The following CSPG4 variants were observed in gnomAD, a reference collection of about 807,000 sequenced individuals.
CSPG4 encodes chondroitin sulfate proteoglycan 4 (melanoma-associated).
Under a neutral mutation model 139.3 loss-of-function variants are expected in CSPG4, and 74 were observed. That is an observed-to-expected ratio of 0.53 (90% CI 0.44 to 0.64). The LOEUF is 0.64. Ranked by LOEUF, CSPG4 falls within the 30% of genes least tolerant of loss-of-function variation. CSPG4 has a pLI of 0.00. For missense variants in CSPG4, 2,565 were observed against 3,148.3 expected, an observed-to-expected ratio of 0.81 and a Z score of 4.43; for synonymous variants, 1,234 against 1,394.2, an observed-to-expected ratio of 0.89 and a Z score of 2.56.
At position 75,689,309 on chromosome 15, in the gene CSPG4, C is replaced by G; in HGVS notation, c.1756G>C (p.Ala586Pro). Residue 586 changes from alanine to proline, a missense_variant, in exon 3 of 10, where the codon GCC (alanine) becomes CCC (proline). Transcript: ENST00000308508. ...ACCTGGAAGGTGAGGCCCTCACAGG[C>G]AGAGTCCGGGTCATAGGCCTGGAAA... ...EVFQAYDPDS[A>P]CEGLTFQVLG... 1 of 1,611,024 alleles carries G rather than the reference C, an allele frequency of 6.2e-7. No individual in the cohort carries two copies. Among genetic ancestry groups the G allele is most frequent in the South Asian group, 1.1e-5 (1 of 90,998 alleles).
rs1894104161 is a variant in CSPG4 at position 75,688,697 on chromosome 15, C to T, written c.2368G>A (p.Glu790Lys). ...QRATVWMLRL[E>K]PLHTQNTQQE... ...TGGGTGTTCTGAGTGTGCAGTGGCT[C>T]CAGCCGCAGCATCCACACAGTGGCT... The change falls in exon 3 of 10, where the codon GAG (glutamate) becomes AAG (lysine). Residue 790 changes from glutamate (E) to lysine (K), a missense_variant. This residue lies in a region of CSPG4 where 2,316 missense variants were observed against 2,818.2 expected (regional missense o/e 0.82). Transcript: ENST00000308508. The T allele has an allele frequency of 6.2e-7, 1 of 1,610,526 alleles. No individual in the cohort carries two copies. The highest frequency in any genetic ancestry group is 1.7e-5 in the Admixed American group (1 of 59,928).
At position 75,685,384 on chromosome 15, in the gene CSPG4, C is replaced by T. The variant is rs369855121; in HGVS notation, c.4107G>A (p.Glu1369=). The T allele has an allele frequency of 6.2e-7, 1 of 1,610,476 alleles. No homozygotes were observed. Among genetic ancestry groups the T allele is most frequent in the Non-Finnish European group, 8.5e-7 (1 of 1,179,114 alleles). The change falls in exon 4 of 10, where the codon GAG becomes GAA. Residue 1369 remains glutamate, a synonymous_variant. Coordinates refer to ENST00000308508, the MANE Select transcript of CSPG4 (RefSeq NM_001897.5). The stretch of plus-strand genomic sequence containing the variant: ...GAGGGGCCAGGGTGAGGCTGCCACC[C>T]TCAGGGACGCTGAAGTTTTGCGCCT... ...PLEAQNFSVP[E]GGSLTLAPPL...
chr15:75,683,867 A>T (rs1199362920), intron 5 of CSPG4, among the ~76,000 whole-genome samples: 4 of 152,190 alleles, frequency 2.6e-5, no homozygotes, highest in Non-Finnish European at 4.4e-5. Context: ...GGACCCCAGC[A>T]CTAGGCTTCT....
At chr15:75,678,181 G>A (rs982534564) in intron 8 of CSPG4, among the ~76,000 whole-genome samples, 5 of 152,172 alleles carry the variant, frequency 3.3e-5, no homozygotes, top group Admixed American at 6.5e-5. Flanking sequence ...TCTCTAAAGC[G>A]AGTACTTCCT....
rs541502789 is a variant in CSPG4 at position 75,712,661 on chromosome 15, C to T, written c.88+7G>A. 3.2e-5 allele frequency: 49 copies of T among 1,555,552 alleles called. No individual in the cohort carries two copies. The African/African-American group carries it at 5.6e-4, about 18-fold the overall frequency. On this transcript the variant is annotated splice_region_variant and intron_variant, in intron 1 of 9. Coordinates refer to ENST00000308508, the MANE Select transcript of CSPG4 (RefSeq NM_001897.5). Reference sequence around the variant, plus strand: ...GGCTGGGTCGGGGTCTCAGGCCCCTCACTCACCCGCGGATGCAAGTCTGGC... The same window carrying T: ...GGCTGGGTCGGGGTCTCAGGCCCCTTACTCACCCGCGGATGCAAGTCTGGC...
intron 1 of CSPG4, among the ~76,000 whole-genome samples, chr15:75,705,322 C>G (rs1894356097): frequency 6.6e-6 from 1 of 152,232 alleles, no homozygotes; most frequent in South Asian, 2.1e-4. Flanking sequence ...CTTAGTCCCA[C>G]ACAGACTCAC....
Position 75,690,520 on chromosome 15 carries a change from C to G in CSPG4, c.545G>C (p.Arg182Pro). Residue 182 changes from arginine to proline, a missense_variant, in exon 3 of 10, where the codon CGG (arginine) becomes CCG (proline). By Grantham distance (103) the Arg-to-Pro change is moderately radical. Coordinates refer to ENST00000308508, the MANE Select transcript of CSPG4 (RefSeq NM_001897.5). Reference sequence around the variant, plus strand: ...CTCATGCACATCGGGGGTCAGAGGCCGGAGGAGGCTGCGGCCATTGAGGGT... The same window carrying G: ...CTCATGCACATCGGGGGTCAGAGGCGGGAGGAGGCTGCGGCCATTGAGGGT... The part of the protein sequence containing the change: ...AATLNGRSLL[R>P]PLTPDVHEGC... 1 of 1,609,644 alleles carries G rather than the reference C, an allele frequency of 6.2e-7. No individual in the cohort carries two copies. Among genetic ancestry groups the G allele is most frequent in the Non-Finnish European group, 8.5e-7 (1 of 1,179,088 alleles).
In CSPG4 at chr15:75,689,904, A is replaced by G. The variant is rs1425939079; in HGVS notation, c.1161T>C (p.Tyr387=). 6.2e-7 allele frequency: 1 copy of G among 1,612,004 alleles called. No individual in the cohort carries two copies. The highest frequency in any genetic ancestry group is 1.7e-5 in the Admixed American group (1 of 59,940). The stretch of plus-strand genomic sequence containing the variant: ...CATAATGTCCATAGGCATCGTCCTC[A>G]TACTCCTCCTCCTCCAGCCTGCAGC... ...AAGCRLEEEE[Y]EDDAYGHYEA... Residue 387 remains tyrosine, a synonymous_variant, in exon 3 of 10, where the codon TAT becomes TAC. Coordinates refer to ENST00000308508, the MANE Select transcript of CSPG4 (RefSeq NM_001897.5).
In CSPG4 at chr15:75,687,965, G is replaced by A. The variant is rs770213957; in HGVS notation, c.3100C>T (p.Arg1034Trp). 9 of 1,612,688 alleles carry A rather than the reference G, an allele frequency of 5.6e-6. No homozygotes were observed. Among genetic ancestry groups the A allele is most frequent in the East Asian group, 4.5e-5 (2 of 44,884 alleles). Residue 1034 changes from arginine (R) to tryptophan (W), a missense_variant, in exon 3 of 10, where the codon CGG becomes TGG. Transcript: ENST00000308508. The surrounding 1 kb of genome is among the most constrained non-coding windows in gnomAD (Gnocchi z 5.4). The stretch of plus-strand genomic sequence containing the variant: ...ACGTCGTCTGTAGTCAGCAGCCGCC[G>A]CCCACCCCGGGCCACATGGAAGATC... ...SRIFHVARGGRRLLTTDDVAF... is the reference protein window; with the variant it reads ...SRIFHVARGGWRLLTTDDVAF...
At chr15:75,685,855 G>T (rs940638915) in intron 3 of CSPG4, among the ~76,000 whole-genome samples, 154 bp from the exon 4 acceptor site, 3 of 152,178 alleles carry the variant, frequency 2.0e-5, no homozygotes, top group African/African-American at 7.2e-5. Context: ...ACACACGTGG[G>T]TTCACACACA....
In CSPG4 at chr15:75,676,646, C is replaced by A. The variant is rs749581446; in HGVS notation, c.5873G>T (p.Arg1958Leu). The A allele has an allele frequency of 2.5e-6, 4 of 1,598,766 alleles. No homozygotes were observed. In the East Asian group the frequency reaches 6.7e-5, roughly 27 times the overall value. ...GAGCTGCTGCTGGCTCAGTGAGGAG[C>A]GCCCCAAAGCTTGGGGCACCTCCAG... Reference protein sequence around the residue: ...APLEVPQALGRSSLSQQQLRV... With the variant: ...APLEVPQALGLSSLSQQQLRV... Residue 1958 changes from arginine to leucine, a missense_variant, in exon 10 of 10, where the codon CGC becomes CTC. Coordinates refer to ENST00000308508, the MANE Select transcript of CSPG4 (RefSeq NM_001897.5).
chr15:75,705,855 A>ATGTGTC (rs1382827319), intron 1 of CSPG4, among the ~76,000 whole-genome samples: 1 of 151,720 alleles, frequency 6.6e-6, no homozygotes, highest in African/African-American at 2.4e-5. Flanking sequence ...CTGTGTCTGT[A>ATGTGTC]TGTGTCTGTG....
intron 1 of CSPG4, among the ~76,000 whole-genome samples, chr15:75,705,908 CGT>C (rs760448236): frequency 3.1e-4 from 47 of 151,250 alleles, no homozygotes; most frequent in African/African-American, 1.0e-3. Context: ...TGTCTGTGTG[CGT>C]GTGTGTGTGC....
At chr15:75,681,987 T>C (rs534608608) in intron 8 of CSPG4, among the ~76,000 whole-genome samples, 2 of 152,060 alleles carry the variant, frequency 1.3e-5, no homozygotes, top group East Asian at 3.9e-4. Context: ...TGGTGCCCCC[T>C]CTCCAGACCC....
Position 75,685,435 on chromosome 15 carries a change from C to T in CSPG4, c.4056G>A (p.Glu1352=), listed in dbSNP as rs1434495435. The T allele has an allele frequency of 6.2e-7, 1 of 1,612,282 alleles. No individual in the cohort carries two copies. The highest frequency in any genetic ancestry group is 8.5e-7 in the Non-Finnish European group (1 of 1,179,956). ...APLEGVLVEL[E]VLPAAIPLEA... is the part of the protein sequence containing the mutation. ...CTAGTGGGATGGCAGCGGGCAGCAC[C>T]TCCAGCTCCACAAGGACGCCCTCGA... Residue 1352 remains glutamate (E), a synonymous_variant, in exon 4 of 10, where the codon GAG becomes GAA. Coordinates refer to ENST00000308508, the MANE Select transcript of CSPG4 (RefSeq NM_001897.5).
intron 1 of CSPG4, among the ~76,000 whole-genome samples, chr15:75,710,172 A>C (rs983360850): frequency 5.9e-5 from 9 of 152,120 alleles, no homozygotes; most frequent in African/African-American, 7.2e-5. Context: ...GGTACTCCCC[A>C]ACCTGGGTCC....
chr15:75,698,961 G>A lies in CSPG4; in HGVS notation c.89-5728C>T, dbSNP rs1176615443. Among the ~76,000 whole-genome samples the A allele has an allele frequency of 6.6e-6, 1 of 152,088 alleles. No homozygotes were observed. Among genetic ancestry groups the A allele is most frequent in the African/African-American group, 2.4e-5 (1 of 41,426 alleles). On this transcript the variant is annotated intron_variant, in intron 1 of 9. Coordinates refer to ENST00000308508, the MANE Select transcript of CSPG4 (RefSeq NM_001897.5). This position sits in a 1 kb window ranked among gnomAD's most constrained non-coding sequence, Gnocchi z 4.3. ...GGCTCATCACTGGCCAGGGTGGGCTGCCTGGGAGACGCTCACACACCTGCA... is the reference window on the plus strand; with the variant it reads ...GGCTCATCACTGGCCAGGGTGGGCTACCTGGGAGACGCTCACACACCTGCA...
chr15:75,690,887 C>G lies in CSPG4; in HGVS notation c.253-75G>C. On this transcript the variant is annotated intron_variant, in intron 2 of 9. Coordinates refer to ENST00000308508, the MANE Select transcript of CSPG4 (RefSeq NM_001897.5). Reference sequence around the variant, plus strand: ...CATTTCCCTTATAAAAGCATAGAGCCGGGCGTGATTGCAGTGGTGGCTCAT... The same window carrying G: ...CATTTCCCTTATAAAAGCATAGAGCGGGGCGTGATTGCAGTGGTGGCTCAT... The G allele has an allele frequency of 2.7e-6, 4 of 1,487,590 alleles. No homozygotes were observed. The South Asian group carries it at 3.9e-5, about 15-fold the overall frequency. 92.1% of individuals were successfully genotyped at this position (1,487,590 alleles called of 1,614,324 possible). A position where few individuals can be genotyped will look rare whatever the true frequency, so the allele number is the denominator to read the frequency against.
Position 75,675,922 on chromosome 15 carries a change from G to C in CSPG4, c.6597C>G (p.Gly2199=). Residue 2199 remains glycine (G), a synonymous_variant, in exon 10 of 10, where the codon GGC becomes GGG. Coordinates refer to ENST00000308508, the MANE Select transcript of CSPG4 (RefSeq NM_001897.5). Reference sequence around the variant, plus strand: ...CGGGCTCAGGGCTGGATGCCATGGGGCCTGGCTCGCCTGTGGGGGTGCTGC... The same window carrying C: ...CGGGCTCAGGGCTGGATGCCATGGGCCCTGGCTCGCCTGTGGGGGTGCTGC... ...PESSTPTGEP[G]PMASSPEPAV... is the part of the protein sequence containing the mutation. 3 of 1,598,940 alleles carry C rather than the reference G, an allele frequency of 1.9e-6. No individual in the cohort carries two copies. Among genetic ancestry groups the C allele is most frequent in the Non-Finnish European group, 2.5e-6 (3 of 1,177,938 alleles).
Sources: gnomAD v4.1 joint callset for allele counts (sites outside exome capture counted in the v4.1 genomes callset) on GRCh38, gnomAD v4.1.1 for gene constraint, gnomAD v4.1.1 regional missense constraint, Gnocchi (gnomAD v3.1) non-coding constraint, MANE v1.5 for transcripts, NCBI Gene and HGNC (gene_info 2026-07-23, HGNC 2026-07-21) for gene names.